The following JMJD1C variants were observed in gnomAD, a reference collection of about 807,000 sequenced individuals.
The protein encoded by JMJD1C is jumonji domain-containing protein 1C.
JMJD1C carries 31 observed loss-of-function variants against 245.3 expected under a neutral mutation model. That is an observed-to-expected ratio of 0.13 (90% CI 0.09 to 0.17). JMJD1C has a LOEUF of 0.17. Among genes scored for constraint, JMJD1C ranks in the 10% least tolerant of loss-of-function variants. The pLI is 1.00. For synonymous variants in JMJD1C, 1,057 were observed against 1,017.4 expected (o/e 1.04, Z -0.74); for missense variants, 2,691 against 3,000.2 (o/e 0.90, Z 2.41).
intron 3 of JMJD1C, among the ~76,000 whole-genome samples, chr10:63,245,826 C>T (rs893185536): frequency 1.3e-5 from 2 of 152,118 alleles, no homozygotes; most frequent in South Asian, 4.1e-4. Flanking sequence ...GAGACTTATT[C>T]ACTATCACAA....
chr10:63,275,352 T>C (rs9415683), intron 2 of JMJD1C, among the ~76,000 whole-genome samples: 2,265 of 152,320 alleles, frequency 0.015, 53 homozygotes, highest in African/African-American at 0.052. Context: ...AAATGAAGCC[T>C]GTCTAGAAGA....
intron 2 of JMJD1C, among the ~76,000 whole-genome samples, chr10:63,335,386 T>C (rs2093264210): frequency 6.6e-6 from 1 of 152,238 alleles, no homozygotes; most frequent in South Asian, 2.1e-4. Flanking sequence ...AAGAAGTGCT[T>C]AATATTCCAG....
intron 1 of JMJD1C, among the ~76,000 whole-genome samples, chr10:63,393,345 T>C (rs1948229099): frequency 6.6e-6 from 1 of 152,146 alleles, no homozygotes; most frequent in Admixed American, 6.5e-5. Context: ...CAACGAGATC[T>C]TACTCGAGTG....
At chr10:63,337,614 AAAAGAAAAGAAAAAGAAAAG>A (rs1942945707) in intron 2 of JMJD1C, among the ~76,000 whole-genome samples, 2 of 31,116 alleles carry the variant, frequency 6.4e-5, no homozygotes, top group Admixed American at 4.9e-4. Flanking sequence ...AAAAGAAAAG[AAAAGAAAAGAAAAAGAAAAG>A]AAAAAAAATC....
chr10:63,380,810 AC>A (rs1343509439), intron 1 of JMJD1C, among the ~76,000 whole-genome samples: 1 of 152,308 alleles, frequency 6.6e-6, no homozygotes, highest in East Asian at 1.9e-4. Context: ...ACTCTAGTAC[AC>A]TGTTGGTGGG....
chr10:63,512,926 G>T (rs576278801), intron 1 of JMJD1C, among the ~76,000 whole-genome samples: 1 of 152,102 alleles, frequency 6.6e-6, no homozygotes, highest in East Asian at 1.9e-4. Flanking sequence ...GAAGCTTTTT[G>T]TAATATCCTC....
At chr10:63,349,453 G>A (rs548401668) in intron 2 of JMJD1C, among the ~76,000 whole-genome samples, 2 of 152,314 alleles carry the variant, frequency 1.3e-5, no homozygotes, top group Admixed American at 1.3e-4. Context: ...CACTTGGGGA[G>A]AAGAAAGTAA....
At chr10:63,446,567 A>G (rs1377191689) in intron 1 of JMJD1C, among the ~76,000 whole-genome samples, 2 of 152,226 alleles carry the variant, frequency 1.3e-5, no homozygotes, top group East Asian at 3.8e-4. Context: ...TAGCCCTTAA[A>G]GGATTGTAGA....
chr10:63,223,262 A>C, intron 3 of JMJD1C, among the ~76,000 whole-genome samples: 2 of 137,262 alleles, frequency 1.5e-5, no homozygotes, highest in African/African-American at 2.8e-5. Flanking sequence ...ACACAGTCTC[A>C]CTCTCCCAGC....
chr10:63,175,636 A>C (rs1842805447), intron 24 of JMJD1C, among the ~76,000 whole-genome samples: 1 of 152,194 alleles, frequency 6.6e-6, no homozygotes, highest in Non-Finnish European at 1.5e-5. Context: ...TGGAGAACCA[A>C]CTGTTGAGGC....
intron 2 of JMJD1C, among the ~76,000 whole-genome samples, chr10:63,299,662 A>T (rs1450586333): frequency 6.6e-6 from 1 of 151,944 alleles, no homozygotes; most frequent in Admixed American, 6.6e-5. Flanking sequence ...GTTTTTGTAT[A>T]AAAAAACTAT....
intron 1 of JMJD1C, among the ~76,000 whole-genome samples, chr10:63,499,603 A>C (rs1043162457): frequency 3.3e-5 from 5 of 152,200 alleles, no homozygotes; most frequent in African/African-American, 1.2e-4. Context: ...GAAAAACAAC[A>C]GTTTAGAGAA....
chr10:63,241,762 A>G (rs1391282163), intron 3 of JMJD1C, among the ~76,000 whole-genome samples: 3 of 152,148 alleles, frequency 2.0e-5, no homozygotes, highest in African/African-American at 7.2e-5. Flanking sequence ...TTTGTTTGCC[A>G]TCTGTCTTTT....
Position 63,465,836 on chromosome 10 carries a change from C to T in JMJD1C, c.-174G>A. ...TGCCCCGGACACAGCGACCTCGGGC[C>T]CTCCCCGCAAACACTCCTTTGGACT... On this transcript the variant is annotated 5_prime_UTR_variant, in exon 1 of 26. Transcript: ENST00000399262. 1.3e-6 allele frequency: 1 copy of T among 748,956 alleles called. No homozygotes were observed. Among genetic ancestry groups the T allele is most frequent in the South Asian group, 1.5e-5 (1 of 67,548 alleles). 46.4% of individuals were successfully genotyped at this position (748,956 alleles called of 1,614,324 possible).
intron 1 of JMJD1C, among the ~76,000 whole-genome samples, chr10:63,495,058 A>G (rs1296800768): frequency 6.6e-6 from 1 of 152,106 alleles, no homozygotes; most frequent in East Asian, 1.9e-4. Flanking sequence ...ACTATGTTTT[A>G]TATCTATTCC....
chr10:63,251,575 C>G (rs59374768), intron 3 of JMJD1C, among the ~76,000 whole-genome samples: 2,962 of 152,254 alleles, frequency 0.019, 97 homozygotes, highest in African/African-American at 0.066. Flanking sequence ...AGATTGTGGA[C>G]AGCCAGGAGA....
intron 1 of JMJD1C, among the ~76,000 whole-genome samples, chr10:63,443,466 G>A (rs955042421): frequency 7.9e-5 from 12 of 151,852 alleles, no homozygotes; most frequent in South Asian, 2.1e-4. Flanking sequence ...GTGAGCCACC[G>A]CACCCCGCTA....
chr10:63,168,176 G>T, intron 25 of JMJD1C, 42 bp from the exon 26 acceptor site: 1 of 1,345,790 alleles, frequency 7.4e-7, no homozygotes, highest in Non-Finnish European at 1.0e-6. Context: ...CAGTTCGACA[G>T]AAATTAATTA....
chr10:63,397,165 CCA>C (rs1222966513), intron 1 of JMJD1C, among the ~76,000 whole-genome samples: 1 of 152,068 alleles, frequency 6.6e-6, no homozygotes, highest in African/African-American at 2.4e-5. Context: ...TAATAAATAA[CCA>C]CAGTCTTCAA....
Sources: allele counts gnomAD v4.1 joint callset (sites outside exome capture counted in the v4.1 genomes callset), GRCh38; gene constraint gnomAD v4.1.1; transcripts MANE v1.5; gene names NCBI Gene and HGNC (gene_info 2026-07-23, HGNC 2026-07-21).